The following PTPN1 variants were observed in gnomAD, a reference collection of about 807,000 sequenced individuals.
The protein encoded by PTPN1 is tyrosine-protein phosphatase non-receptor type 1.
Under a neutral mutation model 59.9 loss-of-function variants are expected in PTPN1, and 12 were observed. The observed-to-expected ratio is 0.20, with a 90% CI of 0.13 to 0.32. The LOEUF (loss-of-function observed/expected upper bound fraction) is 0.32, where lower values mean the gene tolerates loss of function less well. Among genes scored for constraint, PTPN1 ranks in the 10% least tolerant of loss-of-function variants. The pLI, the probability that PTPN1 is intolerant of heterozygous loss-of-function variation, is 1.00. For missense variants in PTPN1, 356 were observed against 549.2 expected, an observed-to-expected ratio of 0.65 and a Z score of 3.52; for synonymous variants, 178 against 203.6, an observed-to-expected ratio of 0.87 and a Z score of 1.07.
At chr20:50,570,856 CTT>C (rs2082804808) in intron 4 of PTPN1, 1 of 152,262 alleles carries the variant, frequency 6.6e-6, no homozygotes, top group Admixed American at 6.5e-5. Flanking sequence ...AGACTCCAGA[CTT>C]TGTCCAACGT....
intron 1 of PTPN1, among the ~76,000 whole-genome samples, chr20:50,530,298 A>G (rs1008973461): frequency 1.1e-4 from 16 of 152,054 alleles, no homozygotes; most frequent in Admixed American, 5.2e-4. Flanking sequence ...TTATTTTAAC[A>G]GTAAAACCCC....
At chr20:50,572,597 A>C (rs2082816483) in intron 4 of PTPN1, 1 of 151,994 alleles carries the variant, frequency 6.6e-6, no homozygotes, top group South Asian at 2.1e-4. Flanking sequence ...TGAGATGAGG[A>C]AGGGTGGCCT....
chr20:50,550,631 T>C (rs1485370685), intron 1 of PTPN1, among the ~76,000 whole-genome samples: 1 of 152,270 alleles, frequency 6.6e-6, no homozygotes, highest in East Asian at 1.9e-4. Context: ...AGAATGTTGG[T>C]ATATTGTTAA....
At chr20:50,523,417 G>A (rs2082559843) in intron 1 of PTPN1, among the ~76,000 whole-genome samples, 1 of 152,196 alleles carries the variant, frequency 6.6e-6, no homozygotes, top group Non-Finnish European at 1.5e-5. Context: ...GGGATCATAT[G>A]GCATGACAGC....
At chr20:50,532,039 G>A (rs1225897562) in intron 1 of PTPN1, among the ~76,000 whole-genome samples, 2 of 152,186 alleles carry the variant, frequency 1.3e-5, no homozygotes, top group Non-Finnish European at 2.9e-5. Flanking sequence ...CTTCTGGTAT[G>A]GAATCTGTCT....
intron 1 of PTPN1, among the ~76,000 whole-genome samples, chr20:50,514,058 C>G (rs2082518573): frequency 6.6e-6 from 1 of 152,112 alleles, no homozygotes; most frequent in South Asian, 2.1e-4. Flanking sequence ...TTGTAATTGT[C>G]TGGACTGATA....
intron 1 of PTPN1, among the ~76,000 whole-genome samples, chr20:50,539,141 C>A (rs2082637639): frequency 6.7e-6 from 1 of 149,642 alleles, no homozygotes; most frequent in African/African-American, 2.5e-5. Context: ...GTTTAAGCGA[C>A]TCTCCTGCCT....
chr20:50,525,312 C>T (rs893887053), intron 1 of PTPN1, among the ~76,000 whole-genome samples: 8 of 152,256 alleles, frequency 5.3e-5, no homozygotes, highest in South Asian at 4.1e-4. Flanking sequence ...CCGCCCGCCT[C>T]GGCCTCCCAA....
At chr20:50,514,210 T>C (rs1450730258) in intron 1 of PTPN1, among the ~76,000 whole-genome samples, 1 of 152,232 alleles carries the variant, frequency 6.6e-6, no homozygotes, top group African/African-American at 2.4e-5. Context: ...AAAAGTCAGC[T>C]GGGGGATAAT....
At chr20:50,561,630 C>T (rs117307133) in intron 2 of PTPN1, among the ~76,000 whole-genome samples, 177 bp downstream of exon 2, 1,860 of 152,234 alleles carry the variant, frequency 0.012, 28 homozygotes, top group Non-Finnish European at 0.019. Context: ...CTCATTTTTC[C>T]ACCATTATAG....
intron 1 of PTPN1, among the ~76,000 whole-genome samples, chr20:50,533,914 C>T (rs1013640111): frequency 9.9e-5 from 15 of 152,052 alleles, no homozygotes; most frequent in African/African-American, 3.6e-4. Flanking sequence ...GATTGTCTGG[C>T]TATAGAAGCT....
intron 1 of PTPN1, among the ~76,000 whole-genome samples, chr20:50,549,005 A>G (rs1229839142): frequency 6.6e-6 from 1 of 152,230 alleles, no homozygotes; most frequent in Non-Finnish European, 1.5e-5. Context: ...GGCATGAGCC[A>G]CCACGCTTGG....
At chr20:50,536,977 A>G (rs1188348874) in intron 1 of PTPN1, among the ~76,000 whole-genome samples, 2 of 152,240 alleles carry the variant, frequency 1.3e-5, no homozygotes, top group African/African-American at 4.8e-5. Context: ...TGCCAATCAT[A>G]TATTTTAGTT....
chr20:50,530,863 GTTTT>G (rs1157622025), intron 1 of PTPN1, among the ~76,000 whole-genome samples: 1 of 151,670 alleles, frequency 6.6e-6, no homozygotes, highest in Non-Finnish European at 1.5e-5. Flanking sequence ...CCAGCTAATT[GTTTT>G]TTTATTTTTT....
In PTPN1 at chr20:50,579,790, G is replaced by C; in HGVS notation, c.952G>C (p.Glu318Gln). The C allele has an allele frequency of 6.2e-7, 1 of 1,614,044 alleles. No homozygotes were observed. Among genetic ancestry groups the C allele is most frequent in the South Asian group, 1.1e-5 (1 of 91,074 alleles). Residue 318 changes from glutamate (E) to glutamine (Q), a missense_variant, in exon 8 of 10, where the codon GAG becomes CAG. By Grantham distance (29) the Glu-to-Gln change is conservative. Coordinates refer to ENST00000371621, the MANE Select transcript of PTPN1 (RefSeq NM_002827.4). ...TCCCCGGCCACCCAAACGAATCCTG[G>C]AGCCACACAATGGGAAATGCAGGGA... ...PPPRPPKRIL[E>Q]PHNGKCREFF...
chr20:50,582,980 G>A lies in PTPN1; in HGVS notation c.*265G>A, dbSNP rs899352560. 6.7e-5 allele frequency: 36 copies of A among 538,350 alleles called. No individual in the cohort carries two copies. The highest frequency in any genetic ancestry group is 1.5e-4 in the African/African-American group (8 of 52,856). 33.3% of individuals were successfully genotyped at this position (538,350 alleles called of 1,614,324 possible). ...GAGTGAAAGAGAGTACCATGCTGGC[G>A]GCGCAGAGGGAAGGGGCCTACACCC... On this transcript the variant is annotated 3_prime_UTR_variant, in exon 10 of 10. Coordinates refer to ENST00000371621, the MANE Select transcript of PTPN1 (RefSeq NM_002827.4). This position sits in a 1 kb window ranked among gnomAD's most constrained non-coding sequence, Gnocchi z 4.2.
At position 50,565,107 on chromosome 20, in the gene PTPN1, T is replaced by G. The variant is rs73272525; in HGVS notation, c.255+38T>G. The G allele has an allele frequency of 0.014, 21,610 of 1,594,980 alleles. 223 individuals carry two copies. Among genetic ancestry groups the G allele is most frequent in the African/African-American group, 0.046 (3,408 of 73,842 alleles). ...TCTGAATTTTCTATTTAATGTCAAT[T>G]TAAGAGTTTGAGAGTGCTGTTATCC... On this transcript the variant is annotated intron_variant, in intron 3 of 9. Coordinates refer to ENST00000371621, the MANE Select transcript of PTPN1 (RefSeq NM_002827.4).
intron 5 of PTPN1, chr20:50,577,859 C>T (rs1485458356): frequency 6.5e-6 from 1 of 154,162 alleles, no homozygotes; most frequent in Non-Finnish European, 1.4e-5. Flanking sequence ...TGATGCCGTT[C>T]GCATTGACTG....
chr20:50,579,027 C>A, intron 6 of PTPN1, 141 bp from the exon 7 acceptor site: 2 of 965,300 alleles, frequency 2.1e-6, no homozygotes, highest in Non-Finnish European at 3.1e-6. Flanking sequence ...CTGACCCAGA[C>A]ACCTCCCACC....
Sources: gnomAD v4.1 joint callset for allele counts (sites outside exome capture counted in the v4.1 genomes callset) on GRCh38, gnomAD v4.1.1 for gene constraint, Gnocchi (gnomAD v3.1) non-coding constraint, MANE v1.5 for transcripts, NCBI Gene and HGNC (gene_info 2026-07-23, HGNC 2026-07-21) for gene names.